Variants in RARB observed in about 807,000 individuals in gnomAD.
RARB encodes the protein retinoic acid receptor beta.
Under a neutral mutation model 51.9 loss-of-function variants are expected in RARB, and 17 were observed. That is an observed-to-expected ratio of 0.33 (90% CI 0.22 to 0.49). RARB has a LOEUF of 0.49. Ranked by LOEUF, RARB falls within the 20% of genes least tolerant of loss-of-function variation. The pLI, the probability that RARB is intolerant of heterozygous loss-of-function variation, is 0.99. For missense variants in RARB, 369 were observed against 550.8 expected (o/e 0.67, Z 3.30); for synonymous variants, 215 against 195.4 (o/e 1.10, Z -0.84).
intron 5 of RARB, among the ~76,000 whole-genome samples, chr3:25,261,059 G>C (rs1702986198): frequency 6.6e-6 from 1 of 152,120 alleles, no homozygotes; most frequent in Non-Finnish European, 1.5e-5. Context: ...TAGGGTTGTT[G>C]TGGGAATTAA....
intron 3 of RARB, among the ~76,000 whole-genome samples, chr3:25,091,409 A>T (rs1699196825): frequency 6.6e-6 from 1 of 152,166 alleles, no homozygotes; most frequent in Admixed American, 6.6e-5. Flanking sequence ...TTTGGCAAAC[A>T]GGAAAAGTGC....
chr3:24,924,071 C>A (rs1255845529), intron 2 of RARB, among the ~76,000 whole-genome samples: 2 of 152,100 alleles, frequency 1.3e-5, no homozygotes, highest in Non-Finnish European at 2.9e-5. Context: ...AGTCTATACT[C>A]CAAAACCCAT....
At chr3:25,396,213 A>G (rs1352863284) in intron 5 of RARB, among the ~76,000 whole-genome samples, 2 of 152,224 alleles carry the variant, frequency 1.3e-5, no homozygotes, top group Non-Finnish European at 2.9e-5. Context: ...AATGTGATCT[A>G]TCTTCAGGCC....
At chr3:25,181,886 A>G (rs916242429) in intron 5 of RARB, among the ~76,000 whole-genome samples, 2 of 152,012 alleles carry the variant, frequency 1.3e-5, no homozygotes, top group African/African-American at 4.8e-5. Flanking sequence ...AATTCCACAA[A>G]CTTGTGTCAA....
chr3:25,189,066 C>A (rs959949829), intron 5 of RARB, among the ~76,000 whole-genome samples: 1 of 152,126 alleles, frequency 6.6e-6, no homozygotes, highest in Non-Finnish European at 1.5e-5. Flanking sequence ...GTCATCCAGG[C>A]ATGCAGAGAA....
At chr3:25,251,519 T>C (rs1313779180) in intron 5 of RARB, among the ~76,000 whole-genome samples, 2 of 152,162 alleles carry the variant, frequency 1.3e-5, no homozygotes, top group Non-Finnish European at 2.9e-5. Context: ...CCATATCCTC[T>C]CCAAAAGTTG....
chr3:25,406,874 A>C (rs1575378136), intron 5 of RARB, among the ~76,000 whole-genome samples: 2 of 152,312 alleles, frequency 1.3e-5, no homozygotes, highest in East Asian at 3.9e-4. Flanking sequence ...AATTGAGCTC[A>C]TCATTCATAC....
exon 2 of RARB, chr3:24,858,738 A>G (rs1194134314): frequency 1.3e-5 from 2 of 152,150 alleles, no homozygotes; most frequent in South Asian, 2.1e-4. Flanking sequence ...TGTTCTCACA[A>G]TCTTCAGCAA....
intron 3 of RARB, among the ~76,000 whole-genome samples, chr3:25,123,225 A>C (rs932957326): frequency 1.3e-5 from 2 of 151,898 alleles, no homozygotes; most frequent in African/African-American, 2.4e-5. Flanking sequence ...ACCTTCCATT[A>C]CTTTATGTGT....
Position 24,873,540 on chromosome 3 carries a change from A to C in RARB, c.-380+14788A>C, listed in dbSNP as rs1702985579. 2.0e-5 allele frequency among the ~76,000 whole-genome samples: 3 copies of C among 151,984 alleles called. No individual in the cohort carries two copies. In the South Asian group the frequency reaches 6.2e-4, roughly 32 times the overall value. On this transcript the variant is annotated intron_variant, in intron 2 of 11. Coordinates refer to the RARB transcript ENST00000383772. Reference sequence around the variant, plus strand: ...CTTTTTTAGTCTTCTCAGGGGACCAAATGGATTGTGGGTTCTCTCTACAGT... The same window carrying C: ...CTTTTTTAGTCTTCTCAGGGGACCACATGGATTGTGGGTTCTCTCTACAGT...
chr3:25,291,445 T>C (rs191537838), intron 5 of RARB, among the ~76,000 whole-genome samples: 25 of 151,420 alleles, frequency 1.7e-4, no homozygotes, highest in Admixed American at 5.9e-4. Context: ...ATTTAAGAGA[T>C]ATGGGTAAAA....
intron 5 of RARB, among the ~76,000 whole-genome samples, chr3:25,242,317 C>A (rs895943962): frequency 6.6e-6 from 1 of 152,116 alleles, no homozygotes; most frequent in African/African-American, 2.4e-5. Flanking sequence ...TAATTAGATC[C>A]CATTTGGAAA....
intron 3 of RARB, among the ~76,000 whole-genome samples, chr3:25,108,014 A>T (rs1699538357): frequency 6.6e-6 from 1 of 152,162 alleles, no homozygotes; most frequent in South Asian, 2.1e-4. Context: ...GGTTTACTTG[A>T]ACACAAACAC....
chr3:25,159,532 T>C (rs1272461164), intron 4 of RARB, among the ~76,000 whole-genome samples: 1 of 152,008 alleles, frequency 6.6e-6, no homozygotes, highest in Non-Finnish European at 1.5e-5. Context: ...CCACATACTA[T>C]GACTGTCTGG....
At chr3:25,328,949 A>G (rs1164409505) in intron 5 of RARB, among the ~76,000 whole-genome samples, 5 of 152,190 alleles carry the variant, frequency 3.3e-5, no homozygotes, top group African/African-American at 4.8e-5. Context: ...CTGAGATCGA[A>G]CTGCAAGGTG....
intron 2 of RARB, among the ~76,000 whole-genome samples, chr3:24,984,957 C>T (rs771181158): frequency 6.6e-6 from 1 of 152,168 alleles, no homozygotes; most frequent in Non-Finnish European, 1.5e-5. Context: ...GTCACTTCTC[C>T]CTCCTGAAGC....
At chr3:25,484,491 A>G (rs1006418113) in intron 2 of RARB, among the ~76,000 whole-genome samples, 4 of 152,190 alleles carry the variant, frequency 2.6e-5, no homozygotes, top group African/African-American at 9.7e-5. Context: ...GGGGTTGTCA[A>G]ATTATGGCCC....
chr3:25,266,576 C>G (rs1046579343), intron 5 of RARB, among the ~76,000 whole-genome samples: 2 of 152,002 alleles, frequency 1.3e-5, no homozygotes, highest in Non-Finnish European at 2.9e-5. Context: ...ACTTTGTTGT[C>G]GTATCTTTGA....
At chr3:25,407,794 A>T (rs940986031) in intron 5 of RARB, among the ~76,000 whole-genome samples, 8 of 150,680 alleles carry the variant, frequency 5.3e-5, no homozygotes, top group African/African-American at 1.7e-4. Flanking sequence ...AACAACCTTG[A>T]TCCTCATGCA....
Sources: allele counts gnomAD v4.1 joint callset (sites outside exome capture counted in the v4.1 genomes callset), GRCh38; gene constraint gnomAD v4.1.1; transcripts MANE v1.5; gene names NCBI Gene and HGNC (gene_info 2026-07-23, HGNC 2026-07-21).